Variants in PAPSS1 observed in about 807,000 individuals in gnomAD.
The protein encoded by PAPSS1 is bifunctional 3'-phosphoadenosine 5'-phosphosulfate synthase 1.
Under a neutral mutation model 72.0 loss-of-function variants are expected in PAPSS1, and 50 were observed. The observed-to-expected ratio is 0.69, with a 90% confidence interval of 0.55 to 0.88. The LOEUF (loss-of-function observed/expected upper bound fraction) is 0.88, where lower values mean the gene tolerates loss of function less well. Among genes scored for constraint, PAPSS1 ranks in the 40% least tolerant of loss-of-function variants. PAPSS1 has a pLI of 0.00. For synonymous variants in PAPSS1, 261 were observed against 263.6 expected (o/e 0.99, Z 0.09); for missense variants, 657 against 782.2 (o/e 0.84, Z 1.91).
At chr4:107,614,970 T>A (rs79020838) in intron 11 of PAPSS1, among the ~76,000 whole-genome samples, 2 of 3,010 alleles carry the variant, frequency 6.6e-4, no homozygotes, top group Admixed American at 0.077. Flanking sequence ...TAAAACTAGA[T>A]TTTTTTTTTT....
chr4:107,636,491 C>T (rs6847223), intron 10 of PAPSS1, among the ~76,000 whole-genome samples: 230 of 152,156 alleles, frequency 1.5e-3, no homozygotes, highest in African/African-American at 4.6e-3. Context: ...ACTAGTGAAA[C>T]GACAGCAGAA....
intron 1 of PAPSS1, chr4:107,719,781 C>A (rs1367322526): frequency 1.7e-6 from 2 of 1,160,764 alleles, no homozygotes; most frequent in East Asian, 1.2e-4. Flanking sequence ...CCGCAGGTTT[C>A]AGCACCCGGA....
At chr4:107,677,897 G>C (rs139624810) in intron 5 of PAPSS1, among the ~76,000 whole-genome samples, 1 of 152,194 alleles carries the variant, frequency 6.6e-6, no homozygotes, top group East Asian at 1.9e-4. Context: ...GGACATGGAT[G>C]AAGCTGGAAA....
chr4:107,621,919 C>T (rs529497354), intron 11 of PAPSS1, among the ~76,000 whole-genome samples: 126 of 152,088 alleles, frequency 8.3e-4, no homozygotes, highest in Non-Finnish European at 1.5e-3. Flanking sequence ...TGAGCCACCG[C>T]GCCCAGCCGG....
chr4:107,620,579 A>G (rs1725929452), intron 11 of PAPSS1, among the ~76,000 whole-genome samples: 1 of 152,216 alleles, frequency 6.6e-6, no homozygotes. Context: ...CAGCCAAATA[A>G]TGGACTTCCA....
intron 1 of PAPSS1, among the ~76,000 whole-genome samples, chr4:107,710,775 G>A (rs1297281045): frequency 5.9e-5 from 9 of 152,080 alleles, no homozygotes; most frequent in African/African-American, 1.7e-4. Flanking sequence ...GTCCTGGCTC[G>A]CTCCTGTCCA....
chr4:107,644,300 T>G (rs1726636068), intron 10 of PAPSS1, among the ~76,000 whole-genome samples: 1 of 152,168 alleles, frequency 6.6e-6, no homozygotes, highest in African/African-American at 2.4e-5. Flanking sequence ...TCCCCTGAAG[T>G]AGGTCAAAAG....
chr4:107,671,633 T>C (rs1473631248), intron 5 of PAPSS1, among the ~76,000 whole-genome samples: 1 of 152,138 alleles, frequency 6.6e-6, no homozygotes, highest in Non-Finnish European at 1.5e-5. Context: ...TGTACAGTCA[T>C]CCCTCAGTAT....
chr4:107,624,440 T>C (rs1341701683), intron 11 of PAPSS1, among the ~76,000 whole-genome samples: 3 of 152,200 alleles, frequency 2.0e-5, no homozygotes, highest in African/African-American at 7.2e-5. Context: ...TTTCCAACTA[T>C]AGTACCTACA....
At chr4:107,696,989 T>C (rs1229307675) in intron 2 of PAPSS1, among the ~76,000 whole-genome samples, 1 of 152,144 alleles carries the variant, frequency 6.6e-6, no homozygotes, top group African/African-American at 2.4e-5. Context: ...TGTAGTGAAA[T>C]AGTGACACGA....
chr4:107,679,826 T>C (rs538199658), intron 5 of PAPSS1, among the ~76,000 whole-genome samples: 18 of 151,790 alleles, frequency 1.2e-4, no homozygotes, highest in African/African-American at 3.6e-4. Flanking sequence ...AGTTAAAGGA[T>C]CTAATGAAAA....
At chr4:107,688,489 C>T (rs911559575) in intron 3 of PAPSS1, among the ~76,000 whole-genome samples, 5 of 152,112 alleles carry the variant, frequency 3.3e-5, no homozygotes, top group Non-Finnish European at 7.4e-5. Flanking sequence ...ACTAACAAAT[C>T]ATATAAAAAC....
intron 5 of PAPSS1, among the ~76,000 whole-genome samples, chr4:107,665,924 G>A (rs1009372911): frequency 1.3e-5 from 2 of 152,100 alleles, no homozygotes; most frequent in Non-Finnish European, 2.9e-5. Context: ...CTCTGAACAT[G>A]TTAATACAAT....
intron 11 of PAPSS1, among the ~76,000 whole-genome samples, chr4:107,625,620 C>A (rs1726074500): frequency 6.6e-6 from 1 of 152,118 alleles, no homozygotes; most frequent in African/African-American, 2.4e-5. Context: ...CCCAACCTGG[C>A]CAGAGAACCC....
At chr4:107,637,065 GC>G (rs1241195777) in intron 10 of PAPSS1, among the ~76,000 whole-genome samples, 1 of 152,082 alleles carries the variant, frequency 6.6e-6, no homozygotes, top group Admixed American at 6.6e-5. Flanking sequence ...GTTTCTCCTT[GC>G]CATCCATCAT....
intron 2 of PAPSS1, among the ~76,000 whole-genome samples, chr4:107,697,719 C>T (rs1013700858): frequency 6.6e-5 from 10 of 152,172 alleles, no homozygotes; most frequent in Admixed American, 2.0e-4. Flanking sequence ...ATATGGATAA[C>T]TGGTATACCT....
At chr4:107,688,170 T>C (rs1722836131) in intron 3 of PAPSS1, among the ~76,000 whole-genome samples, 1 of 152,140 alleles carries the variant, frequency 6.6e-6, no homozygotes. Flanking sequence ...TTCTCTCTAC[T>C]CCACCTGAAA....
At position 107,654,678 on chromosome 4, in the gene PAPSS1, C is replaced by T. The variant is rs370272890; in HGVS notation, c.1101+17G>A. ...ATTGGCAAATCAAGATAAAATGCAG[C>T]GAGGTTTTTTCAGCACCTTAATATA... On this transcript the variant is annotated intron_variant, in intron 8 of 11. Coordinates refer to ENST00000265174, the MANE Select transcript of PAPSS1 (RefSeq NM_005443.5). The T allele has an allele frequency of 3.1e-5, 49 of 1,596,342 alleles. No individual in the cohort carries two copies. The African/African-American group carries it at 4.8e-4, about 16-fold the overall frequency.
intron 1 of PAPSS1, among the ~76,000 whole-genome samples, chr4:107,703,414 C>A (rs1445417344): frequency 5.8e-4 from 84 of 144,586 alleles, no homozygotes; most frequent in African/African-American, 4.8e-4. Context: ...GAGTCATATC[C>A]AAAAAAAAAA....
Sources: gnomAD v4.1 joint callset for allele counts (sites outside exome capture counted in the v4.1 genomes callset) on GRCh38, gnomAD v4.1.1 for gene constraint, MANE v1.5 for transcripts, NCBI Gene and HGNC (gene_info 2026-07-23, HGNC 2026-07-21) for gene names.